Variants in DOK7 observed in about 807,000 individuals in gnomAD.
DOK7 encodes the protein docking protein 7.
Under a neutral mutation model 30.7 loss-of-function variants are expected in DOK7, and 32 were observed. That is an observed-to-expected ratio of 1.04 (90% CI 0.79 to 1.40). The LOEUF is 1.40. Ranked by LOEUF, DOK7 falls within the 40% of genes most tolerant of loss-of-function variation. The pLI, the probability that DOK7 is intolerant of heterozygous loss-of-function variation, is 0.00. For synonymous variants in DOK7, 447 were observed against 324.1 expected, an observed-to-expected ratio of 1.38 and a Z score of -4.07; for missense variants, 1,007 against 699.2, an observed-to-expected ratio of 1.44 and a Z score of -4.97.
At position 3,493,203 on chromosome 4, in the gene DOK7, A is replaced by G. The variant is rs1027188166; in HGVS notation, c.1217A>G (p.Asp406Gly). The G allele has an allele frequency of 6.2e-7, 1 of 1,611,614 alleles. No individual in the cohort carries two copies. The highest frequency in any genetic ancestry group is 1.3e-5 in the African/African-American group (1 of 74,990). Residue 406 changes from aspartate to glycine, a missense_variant, in exon 7 of 7, where the codon GAC becomes GGC. Asp to Gly is a moderately conservative substitution (Grantham distance 94). Transcript: ENST00000340083. Reference protein sequence around the residue: ...QVPTSLRAHYDTPRSLCLAPR... With the variant: ...QVPTSLRAHYGTPRSLCLAPR... ...CCCACCTCCCTGCGGGCCCACTATG[A>G]CACACCACGCAGCCTTTGCCTGGCT...
rs148272884 is a variant in DOK7 at position 3,482,666 on chromosome 4, A to G, written c.533-2873A>G. Among the ~76,000 whole-genome samples the G allele has an allele frequency of 2.0e-4, 31 of 152,382 alleles. No individual in the cohort carries two copies. In the East Asian group the frequency reaches 5.0e-3, roughly 25 times the overall value. On this transcript the variant is annotated intron_variant, in intron 4 of 6. Transcript: ENST00000340083. ...GCAGTCACACCTGTGTGATATAGCA[A>G]AATGGGGCAGGCCCTGTTCTCCCCC...
In DOK7 at chr4:3,492,825, G is replaced by T. The variant is rs144269117; in HGVS notation, c.839G>T (p.Arg280Leu). The change falls in exon 7 of 7, where the codon CGG (arginine) becomes CTG (leucine). Residue 280 changes from arginine (R) to leucine (L), a missense_variant. By Grantham distance (102) the Arg-to-Leu change is moderately radical. Transcript: ENST00000340083. The part of the protein sequence containing the change: ...ASHLDVSASS[R>L]LTAWPEQSSS... ...CACTTGGACGTCAGCGCCAGCAGCCGGCTCACCGCATGGCCAGAGCAATCC... is the reference window on the plus strand; with the variant it reads ...CACTTGGACGTCAGCGCCAGCAGCCTGCTCACCGCATGGCCAGAGCAATCC... 1 of 1,612,570 alleles carries T rather than the reference G, an allele frequency of 6.2e-7. No individual in the cohort carries two copies. The highest frequency in any genetic ancestry group is 8.5e-7 in the Non-Finnish European group (1 of 1,179,950).
chr4:3,495,184 G>A (rs1353717077), downstream of DOK7, among the ~76,000 whole-genome samples: 1 of 152,218 alleles, frequency 6.6e-6, no homozygotes, highest in Non-Finnish European at 1.5e-5. Flanking sequence ...AGGGTCTGAT[G>A]AGGTCACTCT....
chr4:3,474,415 C>G (rs746587292), intron 3 of DOK7, among the ~76,000 whole-genome samples: 1 of 152,164 alleles, frequency 6.6e-6, no homozygotes, highest in African/African-American at 2.4e-5. Flanking sequence ...CACGGTGGCT[C>G]ATACCTGTAA....
intron 2 of DOK7, 128 bp downstream of exon 2, chr4:3,463,679 G>T: frequency 8.0e-7 from 1 of 1,246,464 alleles, no homozygotes; most frequent in South Asian, 1.3e-5. Flanking sequence ...CGAGAGCCCC[G>T]TGCGGACCCG....
intron 5 of DOK7, among the ~76,000 whole-genome samples, chr4:3,489,208 G>T (rs1269870545): frequency 6.6e-6 from 1 of 152,184 alleles, no homozygotes; most frequent in Non-Finnish European, 1.5e-5. Flanking sequence ...AGACCCCAGG[G>T]AACGGTGGGG....
In DOK7 at chr4:3,493,931, C is replaced by T. The variant is rs1304720506; in HGVS notation, c.*430C>T. 2 of 1,023,950 alleles carry T rather than the reference C, an allele frequency of 2.0e-6. No homozygotes were observed. Among genetic ancestry groups the T allele is most frequent in the South Asian group, 4.2e-5 (1 of 23,648 alleles). 63.4% of individuals were successfully genotyped at this position (1,023,950 alleles called of 1,614,324 possible). On this transcript the variant is annotated 3_prime_UTR_variant, in exon 7 of 7. Coordinates refer to ENST00000340083, the MANE Select transcript of DOK7 (RefSeq NM_173660.5). ...CCCCATCACCTCTCTGGGGCAGTCACACCACCTGTTAAGCATCAAGCTACC... is the reference window on the plus strand; with the variant it reads ...CCCCATCACCTCTCTGGGGCAGTCATACCACCTGTTAAGCATCAAGCTACC...
chr4:3,489,825 GGACCTCGGCTAAGCCTCCAGCAGGA>G, intron 6 of DOK7, 29 bp downstream of exon 6: 1 of 1,561,564 alleles, frequency 6.4e-7, no homozygotes. Flanking sequence ...CTGGGCTGTG[GGACCTCGGCTAAGCCTCCAGCAGGA>G]GAGCTCAGGA....
intron 2 of DOK7, among the ~76,000 whole-genome samples, chr4:3,467,297 G>A (rs1320160570): frequency 1.2e-5 from 1 of 81,102 alleles, no homozygotes; most frequent in Non-Finnish European, 2.5e-5. Context: ...CTTCCCTCCC[G>A]CCCTCCCCGG....
intron 6 of DOK7, among the ~76,000 whole-genome samples, chr4:3,492,210 C>CAGGG (rs960121071): frequency 2.5e-4 from 38 of 152,066 alleles, no homozygotes; most frequent in Admixed American, 7.2e-4. Context: ...TCATCCCCCG[C>CAGGG]AGGGAGGGAG....
downstream of DOK7, among the ~76,000 whole-genome samples, chr4:3,495,760 G>A (rs1486021311): frequency 2.0e-5 from 3 of 151,998 alleles, no homozygotes; most frequent in Non-Finnish European, 2.9e-5. Context: ...TCGCTGGTTC[G>A]GGCTCTGCAC....
At chr4:3,467,567 G>A (rs1241864338) in intron 2 of DOK7, among the ~76,000 whole-genome samples, 2 of 151,328 alleles carry the variant, frequency 1.3e-5, no homozygotes, top group African/African-American at 4.9e-5. Context: ...GCACGTGCGT[G>A]TGTGTGTGTG....
intron 3 of DOK7, among the ~76,000 whole-genome samples, chr4:3,476,033 GC>G (rs1727032039): frequency 6.6e-6 from 1 of 151,882 alleles, no homozygotes; most frequent in Admixed American, 6.6e-5. Flanking sequence ...CTGGGCGGCT[GC>G]CCCCACCTGC....
exon 8 of DOK7, chr4:3,500,762 G>C (rs1327959686): frequency 6.5e-7 from 1 of 1,534,970 alleles, no homozygotes; most frequent in Middle Eastern, 1.9e-4. Flanking sequence ...TGGGGGTGCG[G>C]CACGCACGGG....
At chr4:3,484,422 C>T (rs1370605808) in intron 4 of DOK7, 24 of 914,238 alleles carry the variant, frequency 2.6e-5, no homozygotes, top group Non-Finnish European at 2.7e-5. Context: ...CCTGCCCACC[C>T]CGGCGCCTTC....
Position 3,489,900 on chromosome 4 carries a change from T to G in DOK7, c.772+104T>G. Reference sequence around the variant, plus strand: ...TGTGGGGGCTGCAGGCTCCCTCTGCTCATTCATTCATTCCTTCTGTCTCCT... The same window carrying G: ...TGTGGGGGCTGCAGGCTCCCTCTGCGCATTCATTCATTCCTTCTGTCTCCT... On this transcript the variant is annotated intron_variant, in intron 6 of 6. Transcript: ENST00000340083. The G allele has an allele frequency of 4.1e-6, 6 of 1,465,386 alleles. No individual in the cohort carries two copies. In the South Asian group the frequency reaches 7.8e-5, roughly 19 times the overall value. The allele number at this position is 1,465,386 out of a possible 1,614,324, so 90.8% of individuals were successfully genotyped here. A position where few individuals can be genotyped will look rare whatever the true frequency, so the allele number is the denominator to read the frequency against.
chr4:3,477,054 G>T (rs1262491918), intron 4 of DOK7, among the ~76,000 whole-genome samples: 1 of 144,746 alleles, frequency 6.9e-6, no homozygotes, highest in Non-Finnish European at 1.5e-5. Flanking sequence ...CTGGGCCTGT[G>T]AAGGCCTGAG....
chr4:3,467,041 G>C (rs978219450), intron 2 of DOK7, among the ~76,000 whole-genome samples: 3 of 152,154 alleles, frequency 2.0e-5, no homozygotes, highest in Non-Finnish European at 2.9e-5. Flanking sequence ...TTCTGGGGGC[G>C]GCTCCAGGCT....
In DOK7 at chr4:3,463,349, C is replaced by T. The variant is rs746832145; in HGVS notation, c.-27C>T. 1.4e-6 allele frequency: 2 copies of T among 1,448,190 alleles called. No homozygotes were observed. The highest frequency in any genetic ancestry group is 3.0e-5 in the Admixed American group (1 of 33,832). 89.7% of individuals were successfully genotyped at this position (1,448,190 alleles called of 1,614,324 possible). Reference sequence around the variant, plus strand: ...CCCTGGGCTGGGGCGCCGGGGCGAGCGCGGCGGCGCGGAACCATGACAGAA... The same window carrying T: ...CCCTGGGCTGGGGCGCCGGGGCGAGTGCGGCGGCGCGGAACCATGACAGAA... On this transcript the variant is annotated 5_prime_UTR_variant, in exon 1 of 7. Coordinates refer to ENST00000340083, the MANE Select transcript of DOK7 (RefSeq NM_173660.5).
Sources: allele counts gnomAD v4.1 joint callset (sites outside exome capture counted in the v4.1 genomes callset), GRCh38; gene constraint gnomAD v4.1.1; transcripts MANE v1.5; gene names NCBI Gene and HGNC (gene_info 2026-07-23, HGNC 2026-07-21).